The following PCDHGA2 variants were observed in gnomAD, a reference collection of about 807,000 sequenced individuals.
The protein encoded by PCDHGA2 is protocadherin gamma subfamily A, 2, also known as protocadherin gamma-A2.
Under a neutral mutation model 59.2 loss-of-function variants are expected in PCDHGA2, and 40 were observed. The observed-to-expected ratio is 0.68, with a 90% confidence interval of 0.52 to 0.88. PCDHGA2 has a LOEUF of 0.88. PCDHGA2 is among the 40% of genes least tolerant of loss of function. The pLI, the probability that PCDHGA2 is intolerant of heterozygous loss-of-function variation, is 0.00. For missense variants in PCDHGA2, 1,226 were observed against 1,204.0 expected (o/e 1.02, Z -0.27); for synonymous variants, 560 against 526.0 (o/e 1.06, Z -0.89).
intron 1 of PCDHGA2, among the ~76,000 whole-genome samples, chr5:141,386,242 G>A (rs1359369432): frequency 1.3e-5 from 2 of 152,146 alleles, no homozygotes; most frequent in Non-Finnish European, 2.9e-5. Flanking sequence ...AATTCAGTTG[G>A]AAATAACCCA....
At chr5:141,377,774 A>T (rs1279958954) in intron 1 of PCDHGA2, 1 of 152,232 alleles carries the variant, frequency 6.6e-6, no homozygotes, top group Non-Finnish European at 1.5e-5. Context: ...TTGGTGTTAA[A>T]AGACCTGAAT....
intron 1 of PCDHGA2, chr5:141,366,743 C>CGAGTT: frequency 6.2e-7 from 1 of 1,611,598 alleles, no homozygotes; most frequent in Non-Finnish European, 8.5e-7. Flanking sequence ...AGAAGAACGG[C>CGAGTT]GAGTTCAGGT....
Position 141,387,762 on chromosome 5 carries a change from G to T in PCDHGA2, c.2424+46367G>T, listed in dbSNP as rs545222926. The T allele has an allele frequency of 3.5e-6, 5 of 1,424,676 alleles. No homozygotes were observed. The East Asian group carries it at 9.9e-5, about 28-fold the overall frequency. The allele number at this position is 1,424,676 out of a possible 1,614,324, so 88.3% of individuals were successfully genotyped here. ...CACCGCTTCCTCCTCGGAAAAAGAA[G>T]AATTTTTTCTTGAACTGGAACTGCA... On this transcript the variant is annotated intron_variant, in intron 1 of 3. Transcript: ENST00000394576.
chr5:141,361,135 C>A, intron 1 of PCDHGA2: 1 of 1,613,506 alleles, frequency 6.2e-7, no homozygotes, highest in Non-Finnish European at 8.5e-7. Flanking sequence ...CTGCAGTATC[C>A]AAGTTGAAAT....
chr5:141,399,320 A>T (rs775357251), intron 1 of PCDHGA2: 2 of 1,614,010 alleles, frequency 1.2e-6, no homozygotes, highest in Non-Finnish European at 1.7e-6. Flanking sequence ...AAAAATTCGT[A>T]TAAGTTGGTA....
chr5:141,464,419 A>G (rs2099083824), intron 1 of PCDHGA2, among the ~76,000 whole-genome samples: 1 of 151,768 alleles, frequency 6.6e-6, no homozygotes, highest in South Asian at 2.1e-4. Context: ...ATATATCTAT[A>G]TATATAGATA....
At chr5:141,400,609 A>G (rs376731583) in intron 1 of PCDHGA2, 129 of 1,577,604 alleles carry the variant, frequency 8.2e-5, no homozygotes, top group South Asian at 3.2e-4. Flanking sequence ...TTCAAGTCCA[A>G]TGAGTTGTCT....
chr5:141,430,997 C>G, intron 1 of PCDHGA2: 1 of 1,613,926 alleles, frequency 6.2e-7, no homozygotes. Context: ...CCTGAATCCG[C>G]GCAGCGGCAG....
At chr5:141,419,088 T>C in intron 1 of PCDHGA2, 3 of 1,613,940 alleles carry the variant, frequency 1.9e-6, no homozygotes, top group Non-Finnish European at 2.5e-6. Context: ...GATGAGGCCC[T>C]GGATCGGGAG....
intron 1 of PCDHGA2, among the ~76,000 whole-genome samples, chr5:141,380,102 G>C (rs1776217775): frequency 6.6e-6 from 1 of 151,848 alleles, no homozygotes; most frequent in Non-Finnish European, 1.5e-5. Flanking sequence ...GTTTTACCAT[G>C]ATGGCCAGGC....
chr5:141,361,244 A>C, intron 1 of PCDHGA2: 1 of 1,613,994 alleles, frequency 6.2e-7, no homozygotes, highest in Non-Finnish European at 8.5e-7. Flanking sequence ...GCCTTGATAA[A>C]AACGAGAGAC....
chr5:141,360,352 G>T (rs1361866062), intron 1 of PCDHGA2: 1 of 1,613,894 alleles, frequency 6.2e-7, no homozygotes, highest in Admixed American at 1.7e-5. Context: ...CGCGGAGAAG[G>T]AATATTTCAC....
rs779949817 is a variant in PCDHGA2 at position 141,487,266 on chromosome 5, T to G, written c.2425-7541T>G. The G allele has an allele frequency of 6.2e-7, 1 of 1,614,054 alleles. No individual in the cohort carries two copies. The highest frequency in any genetic ancestry group is 8.5e-7 in the Non-Finnish European group (1 of 1,180,044). On this transcript the variant is annotated intron_variant, in intron 1 of 3. Transcript: ENST00000394576. This position sits in a 1 kb window ranked among gnomAD's most constrained non-coding sequence, Gnocchi z 5.0. The stretch of plus-strand genomic sequence containing the variant: ...ACCCTCTACTTGGCTGTGTCCCTAG[T>G]GGCAATTTGCTTTGTCTCCTTTGGC...
intron 2 of PCDHGA2, among the ~76,000 whole-genome samples, chr5:141,503,940 C>G (rs890249753): frequency 6.6e-6 from 1 of 152,218 alleles, no homozygotes; most frequent in Non-Finnish European, 1.5e-5. Flanking sequence ...TTCATGCCTT[C>G]AAGGCCTACC....
At chr5:141,413,012 A>T in intron 1 of PCDHGA2, 1 of 657,714 alleles carries the variant, frequency 1.5e-6, no homozygotes, top group Non-Finnish European at 2.5e-6. Context: ...GGCTTCAACT[A>T]CACAAGCCCC....
At position 141,486,348 on chromosome 5, in the gene PCDHGA2, A is replaced by G. The variant is rs754981437; in HGVS notation, c.2425-8459A>G. ...GATGTGAGCCTCCGCATTCCTGACC[A>G]CTTGCCATTTGCCCTCAAGTCTGCC... is the stretch of plus-strand genomic sequence containing the variant. On this transcript the variant is annotated intron_variant, in intron 1 of 3. Transcript: ENST00000394576. The surrounding 1 kb of genome is among the most constrained non-coding windows in gnomAD (Gnocchi z 5.0). 1.9e-6 allele frequency: 3 copies of G among 1,613,900 alleles called. No individual in the cohort carries two copies. The highest frequency in any genetic ancestry group is 2.5e-6 in the Non-Finnish European group (3 of 1,179,996).
chr5:141,420,496 G>T, intron 1 of PCDHGA2: 1 of 495,924 alleles, frequency 2.0e-6, no homozygotes, highest in Non-Finnish European at 3.1e-6. Context: ...GTAATCTCCG[G>T]TGACATTTTT....
chr5:141,351,000 G>C (rs766155062), intron 1 of PCDHGA2: 3 of 1,614,072 alleles, frequency 1.9e-6, no homozygotes, highest in African/African-American at 1.3e-5. Flanking sequence ...TACAGGGTTA[G>C]CCTCCAAGAA....
At chr5:141,341,760 A>G (rs1050954926) in intron 1 of PCDHGA2, 13 of 390,314 alleles carry the variant, frequency 3.3e-5, no homozygotes, top group African/African-American at 6.1e-5. Context: ...ATTGGAGTTT[A>G]TGTTTACTCA....
Sources: gnomAD v4.1 joint callset for allele counts (sites outside exome capture counted in the v4.1 genomes callset) on GRCh38, gnomAD v4.1.1 for gene constraint, Gnocchi (gnomAD v3.1) non-coding constraint, MANE v1.5 for transcripts, NCBI Gene and HGNC (gene_info 2026-07-23, HGNC 2026-07-21) for gene names.